The following SPTBN1 variants were observed in gnomAD, a reference collection of about 807,000 sequenced individuals.
SPTBN1 encodes spectrin beta, non-erythrocytic 1, also known as spectrin beta chain, non-erythrocytic 1.
Under a neutral mutation model 266.4 loss-of-function variants are expected in SPTBN1, and 32 were observed. The observed-to-expected ratio is 0.12, with a 90% confidence interval of 0.09 to 0.16. The LOEUF (loss-of-function observed/expected upper bound fraction) is 0.16, where lower values mean the gene tolerates loss of function less well. Ranked by LOEUF, SPTBN1 falls within the 10% of genes least tolerant of loss-of-function variation. SPTBN1 has a pLI of 1.00. For synonymous variants in SPTBN1, 1,336 were observed against 1,162.2 expected (o/e 1.15, Z -3.04); for missense variants, 2,296 against 3,067.1 (o/e 0.75, Z 5.94).
At chr2:54,536,538 A>G (rs1317192195) in intron 2 of SPTBN1, among the ~76,000 whole-genome samples, 1 of 152,250 alleles carries the variant, frequency 6.6e-6, no homozygotes, top group East Asian at 1.9e-4. Context: ...GTAGTTTGAC[A>G]TGATCATATT....
chr2:54,617,702 A>G lies in SPTBN1; in HGVS notation c.647+14A>G. 3 of 1,613,054 alleles carry G rather than the reference A, an allele frequency of 1.9e-6. No individual in the cohort carries two copies. Among genetic ancestry groups the G allele is most frequent in the East Asian group, 2.2e-5 (1 of 44,872 alleles). ...ACACAAACACCGGTAAGTCCATACA[A>G]ATCATCCTAGCAATCGTGGGGTAAA... On this transcript the variant is annotated intron_variant, in intron 6 of 35. Coordinates refer to ENST00000356805, the MANE Select transcript of SPTBN1 (RefSeq NM_003128.3).
At chr2:54,660,994 T>C in intron 32 of SPTBN1, 1 of 985,426 alleles carries the variant, frequency 1.0e-6, no homozygotes, top group Non-Finnish European at 1.2e-6. Flanking sequence ...TTGTGGTTCA[T>C]CCTGATTACT....
At chr2:54,556,771 A>G (rs1672907379) in intron 2 of SPTBN1, among the ~76,000 whole-genome samples, 1 of 152,166 alleles carries the variant, frequency 6.6e-6, no homozygotes, top group Admixed American at 6.5e-5. Context: ...GATAATTTTT[A>G]GAACATTTCC....
At chr2:54,657,049 T>A (rs942601262) in intron 29 of SPTBN1, among the ~76,000 whole-genome samples, 1 of 152,232 alleles carries the variant, frequency 6.6e-6, no homozygotes, top group Non-Finnish European at 1.5e-5. Context: ...CACAGTCCAT[T>A]TTTTACCTCA....
At chr2:54,666,148 G>A (rs890058816) in intron 34 of SPTBN1, 60 bp downstream of exon 34, 3 of 1,527,020 alleles carry the variant, frequency 2.0e-6, no homozygotes, top group Non-Finnish European at 2.7e-6. Flanking sequence ...CCACTCTGGG[G>A]TTTGGTTTTC....
intron 1 of SPTBN1, among the ~76,000 whole-genome samples, chr2:54,524,262 G>T (rs1670665338): frequency 1.3e-5 from 2 of 152,176 alleles, no homozygotes; most frequent in Admixed American, 1.3e-4. Context: ...TTTAAAAGGG[G>T]TGTTGTCTTT....
At chr2:54,641,304 C>G (rs1453969041) in intron 18 of SPTBN1, among the ~76,000 whole-genome samples, 1 of 152,136 alleles carries the variant, frequency 6.6e-6, no homozygotes, top group Non-Finnish European at 1.5e-5. Flanking sequence ...CGCTCTCTCT[C>G]TCTCTCTTTT....
intron 2 of SPTBN1, among the ~76,000 whole-genome samples, chr2:54,576,217 G>T (rs780393379): frequency 1.3e-3 from 202 of 151,980 alleles, no homozygotes; most frequent in Non-Finnish European, 2.4e-3. Context: ...ACCACTCCCG[G>T]CTAATGTTTG....
intron 33 of SPTBN1, 144 bp from the exon 34 acceptor site, chr2:54,665,771 G>A: frequency 1.0e-6 from 1 of 956,278 alleles, no homozygotes; most frequent in Middle Eastern, 2.3e-4. Context: ...TTTAGGAAGG[G>A]CTTGTAATAA....
chr2:54,604,033 C>T (rs1042236637), intron 3 of SPTBN1, among the ~76,000 whole-genome samples: 32 of 152,174 alleles, frequency 2.1e-4, no homozygotes, highest in African/African-American at 7.7e-4. Context: ...TAAATCCCCT[C>T]ACTTGGTAGA....
intron 1 of SPTBN1, among the ~76,000 whole-genome samples, chr2:54,469,633 G>C (rs1348236419): frequency 6.6e-6 from 1 of 152,194 alleles, no homozygotes; most frequent in Non-Finnish European, 1.5e-5. Flanking sequence ...CTTGACACTT[G>C]GGATGGCAAC....
At chr2:54,614,876 T>C (rs757282069) in intron 4 of SPTBN1, among the ~76,000 whole-genome samples, 1 of 152,134 alleles carries the variant, frequency 6.6e-6, no homozygotes. Context: ...GGGAGCTGTC[T>C]TCATTTCAGA....
intron 1 of SPTBN1, among the ~76,000 whole-genome samples, chr2:54,492,503 T>C (rs1035087443): frequency 6.6e-6 from 1 of 152,192 alleles, no homozygotes; most frequent in Non-Finnish European, 1.5e-5. Flanking sequence ...GGCTGTGTCA[T>C]TCCTGTGACC....
chr2:54,637,234 G>A (rs537253236), intron 17 of SPTBN1, among the ~76,000 whole-genome samples: 1 of 151,948 alleles, frequency 6.6e-6, no homozygotes, highest in South Asian at 2.1e-4. Flanking sequence ...ATTCCTTTTT[G>A]TTGTATTTTT....
rs202128178 is a variant in SPTBN1 at position 54,551,828 on chromosome 2, C to CT, written c.148+25271dup. ...GATAGAAAAATATCTTTTGTCCTCTCTTTTTTTTTCTTGTTATTTTGAGTC... is the reference window on the plus strand; with the variant it reads ...GATAGAAAAATATCTTTTGTCCTCTCTTTTTTTTTTCTTGTTATTTTGAGTC... On this transcript the variant is annotated intron_variant, in intron 2 of 35. Coordinates refer to ENST00000356805, the MANE Select transcript of SPTBN1 (RefSeq NM_003128.3). 5.9e-3 allele frequency among the ~76,000 whole-genome samples: 888 copies of CT among 151,660 alleles called. 7 individuals are homozygous for CT. The highest frequency in any genetic ancestry group is 0.02 in the African/African-American group (833 of 41,356).
At position 54,646,040 on chromosome 2, in the gene SPTBN1, G is replaced by A. The variant is rs1202300877; in HGVS notation, c.4584+23G>A. ...CAGGTAAGCCTTTCTGCTCGAGCTA[G>A]TTCTGTCTGATAAATAATTGCTCTA... is the stretch of plus-strand genomic sequence containing the variant. On this transcript the variant is annotated intron_variant, in intron 22 of 35. Transcript: ENST00000356805. This position sits in a 1 kb window ranked among gnomAD's most constrained non-coding sequence, Gnocchi z 4.4. 6.2e-7 allele frequency: 1 copy of A among 1,614,020 alleles called. No homozygotes were observed. The highest frequency in any genetic ancestry group is 2.2e-5 in the East Asian group (1 of 44,888).
Position 54,664,797 on chromosome 2 carries a change from T to C in SPTBN1, c.6659+106T>C, listed in dbSNP as rs1317782742. ...AGAAGTATGTGCTCATGTAGTTTTA[T>C]TCCTTTGGTAGCTTCCTGGACATTG... On this transcript the variant is annotated intron_variant, in intron 33 of 35. Coordinates refer to ENST00000356805, the MANE Select transcript of SPTBN1 (RefSeq NM_003128.3). This position sits in a 1 kb window ranked among gnomAD's most constrained non-coding sequence, Gnocchi z 5.6. 10 of 1,170,052 alleles carry C rather than the reference T, an allele frequency of 8.5e-6. No individual in the cohort carries two copies. Among genetic ancestry groups the C allele is most frequent in the South Asian group, 4.5e-5 (3 of 67,402 alleles). 72.5% of individuals were successfully genotyped at this position (1,170,052 alleles called of 1,614,324 possible).
intron 2 of SPTBN1, among the ~76,000 whole-genome samples, chr2:54,584,070 G>A (rs910156245): frequency 6.6e-6 from 1 of 152,086 alleles, no homozygotes; most frequent in African/African-American, 2.4e-5. Context: ...GATATCCTTC[G>A]ATATCTTTTT....
chr2:54,617,346 GT>G lies in SPTBN1; in HGVS notation c.567-258del, dbSNP rs1201473955. 6.6e-5 allele frequency among the ~76,000 whole-genome samples: 10 copies of G among 152,310 alleles called. No homozygotes were observed. The East Asian group carries it at 1.9e-3, about 29-fold the overall frequency. ...TCACTTTTTCCTAAGTAAGAGTAGT[GT>G]TTTAAATCTACGACACAGTTCACAT... On this transcript the variant is annotated intron_variant, in intron 5 of 35. Coordinates refer to ENST00000356805, the MANE Select transcript of SPTBN1 (RefSeq NM_003128.3).
Sources: gnomAD v4.1 joint callset for allele counts (sites outside exome capture counted in the v4.1 genomes callset) on GRCh38, gnomAD v4.1.1 for gene constraint, Gnocchi (gnomAD v3.1) non-coding constraint, MANE v1.5 for transcripts, NCBI Gene and HGNC (gene_info 2026-07-23, HGNC 2026-07-21) for gene names.